The following TRMT11 variants were observed in gnomAD, a reference collection of about 807,000 sequenced individuals.
TRMT11 encodes tRNA (guanine(10)-N(2))-methyltransferase TRMT11.
In TRMT11, 53 loss-of-function variants were observed where a neutral mutation model predicts 62.8. The observed-to-expected ratio is 0.84, with a 90% CI of 0.68 to 1.06. The LOEUF is 1.06. TRMT11 is among the 50% of genes least tolerant of loss of function. The pLI, the probability that TRMT11 is intolerant of heterozygous loss-of-function variation, is 0.00. For synonymous variants in TRMT11, 188 were observed against 190.3 expected, an observed-to-expected ratio of 0.99 and a Z score of 0.10; for missense variants, 556 against 553.4, an observed-to-expected ratio of 1.00 and a Z score of -0.05.
At chr6:126,159,940 T>C (rs1285966710) in intron 21 of TRMT11, among the ~76,000 whole-genome samples, 3 of 152,180 alleles carry the variant, frequency 2.0e-5, no homozygotes, top group Admixed American at 1.3e-4. Context: ...GGAAGGAAAC[T>C]ACAAAATATA....
Position 125,993,801 on chromosome 6 carries a change from CA to C in TRMT11, c.118del (p.Ser40ValfsTer24). ...TGCTTTTTGGAGGTCAGTTTGCCAG[CA>C]GTCAAGAAACTTATGGAAAGGTAAG... ...LLLFGGQFAS[S>X]QETYGKSPFW... is the part of the protein sequence containing the mutation. On this transcript the variant is annotated frameshift_variant, in exon 2 of 13. Transcript: ENST00000334379. LOFTEE classifies it high-confidence loss of function. 1 of 1,609,852 alleles carries C rather than the reference CA, an allele frequency of 6.2e-7. No homozygotes were observed.
chr6:126,260,655 G>A, the TRMT11 span, among the ~76,000 whole-genome samples: 2 of 152,096 alleles, frequency 1.3e-5, no homozygotes, highest in African/African-American at 2.4e-5. Context: ...TTTCTGTAAA[G>A]GTCTTTATTT....
downstream of TRMT11, among the ~76,000 whole-genome samples, chr6:126,040,345 T>C (rs1775838612): frequency 6.6e-6 from 1 of 152,144 alleles, no homozygotes; most frequent in Non-Finnish European, 1.5e-5. Context: ...ATGAGGCTTA[T>C]TTTTGTATTA....
intron 21 of TRMT11, among the ~76,000 whole-genome samples, chr6:126,138,083 A>G (rs1161819971): frequency 6.6e-6 from 1 of 151,958 alleles, no homozygotes; most frequent in East Asian, 1.9e-4. Flanking sequence ...AATTTATTGT[A>G]TATTTCAAAA....
intron 1 of TRMT11, among the ~76,000 whole-genome samples, chr6:126,181,151 T>C (rs1778462348): frequency 6.6e-6 from 1 of 152,206 alleles, no homozygotes. Context: ...AAACTTGCTC[T>C]AGATTATTTT....
chr6:126,258,077 G>A, the TRMT11 span: 25 of 1,098,884 alleles, frequency 2.3e-5, no homozygotes, highest in East Asian at 3.1e-4. Flanking sequence ...GTTCATCCAC[G>A]TCAATCTCCA....
In TRMT11 at chr6:126,112,519, A is replaced by G. The variant is rs1416243679; in HGVS notation, c.*1438-347A>G. Reference sequence around the variant, plus strand: ...AACTGACACAGTTTGGCTAGATGCCAGTCAGGAGTACCTCCAAGATATTTT... The same window carrying G: ...AACTGACACAGTTTGGCTAGATGCCGGTCAGGAGTACCTCCAAGATATTTT... On this transcript the variant is annotated intron_variant and NMD_transcript_variant, in intron 17 of 22. Coordinates refer to the TRMT11 transcript ENST00000648977. Among the ~76,000 whole-genome samples the G allele has an allele frequency of 2.6e-5, 4 of 152,156 alleles. No homozygotes were observed. In the East Asian group the frequency reaches 5.8e-4, roughly 22 times the overall value.
At chr6:126,092,747 G>T (rs994406834) in intron 17 of TRMT11, among the ~76,000 whole-genome samples, 1 of 152,082 alleles carries the variant, frequency 6.6e-6, no homozygotes, top group African/African-American at 2.4e-5. Flanking sequence ...TCTGCATTTG[G>T]CTTGGTGATT....
intron 21 of TRMT11, among the ~76,000 whole-genome samples, chr6:126,160,514 C>T (rs571802010): frequency 5.9e-5 from 9 of 152,202 alleles, no homozygotes; most frequent in Non-Finnish European, 7.4e-5. Flanking sequence ...AGAAGGACAG[C>T]GATCTCAACA....
At chr6:126,182,571 C>T (rs551200186) in intron 1 of TRMT11, among the ~76,000 whole-genome samples, 1 of 151,960 alleles carries the variant, frequency 6.6e-6, no homozygotes, top group Admixed American at 6.6e-5. Context: ...GGTAGCCTGA[C>T]CCCTGACTCC....
intron 12 of TRMT11, among the ~76,000 whole-genome samples, chr6:126,036,803 A>G (rs184579910): frequency 3.9e-5 from 6 of 152,198 alleles, no homozygotes; most frequent in African/African-American, 1.4e-4. Context: ...TTTTGATGAA[A>G]GTTGAAGTAG....
chr6:125,987,413 A>G (rs1255771201), intron 1 of TRMT11, among the ~76,000 whole-genome samples: 1 of 152,228 alleles, frequency 6.6e-6, no homozygotes, highest in East Asian at 1.9e-4. Flanking sequence ...GTTATGTGGC[A>G]GAGTGGTAAG....
chr6:126,208,198 T>C (rs902060205), downstream of TRMT11, among the ~76,000 whole-genome samples: 4 of 152,302 alleles, frequency 2.6e-5, no homozygotes, highest in African/African-American at 9.6e-5. Context: ...TCAAACTACA[T>C]GTGCTCCTCT....
chr6:126,071,621 G>C (rs188382786), intron 17 of TRMT11, among the ~76,000 whole-genome samples: 7 of 151,236 alleles, frequency 4.6e-5, no homozygotes, highest in African/African-American at 1.7e-4. Context: ...AAGCTGGCAC[G>C]ATGATCAGCG....
the TRMT11 span, among the ~76,000 whole-genome samples, chr6:126,230,846 T>C: frequency 2.0e-5 from 3 of 152,196 alleles, no homozygotes; most frequent in African/African-American, 7.2e-5. Flanking sequence ...TGCTATATTG[T>C]ATATGTCTAC....
At chr6:126,083,019 A>G (rs1777175591) in intron 17 of TRMT11, among the ~76,000 whole-genome samples, 1 of 152,212 alleles carries the variant, frequency 6.6e-6, no homozygotes, top group Non-Finnish European at 1.5e-5. Context: ...AAGAGTGAAG[A>G]AACAAATCAC....
intron 17 of TRMT11, among the ~76,000 whole-genome samples, chr6:126,090,427 C>T (rs372769402): frequency 2.0e-5 from 3 of 152,164 alleles, no homozygotes; most frequent in African/African-American, 7.2e-5. Flanking sequence ...GATTAGATTT[C>T]TACTACATTT....
At chr6:126,138,551 T>C (rs1217261243) in intron 21 of TRMT11, among the ~76,000 whole-genome samples, 1 of 152,008 alleles carries the variant, frequency 6.6e-6, no homozygotes, top group East Asian at 1.9e-4. Flanking sequence ...TGTTCTGGTG[T>C]TGATAAATGA....
chr6:126,154,890 A>C (rs1320494906), intron 21 of TRMT11, among the ~76,000 whole-genome samples: 1 of 152,058 alleles, frequency 6.6e-6, no homozygotes, highest in African/African-American at 2.4e-5. Context: ...CTTGATTTTG[A>C]GATTCCTGAT....
Sources: allele counts gnomAD v4.1 joint callset (sites outside exome capture counted in the v4.1 genomes callset), GRCh38; gene constraint gnomAD v4.1.1; transcripts MANE v1.5; gene names NCBI Gene and HGNC (gene_info 2026-07-23, HGNC 2026-07-21).